RHBDD2: variants seen among roughly 807,000 people sequenced by gnomAD.
RHBDD2 encodes the protein rhomboid domain containing 2.
In RHBDD2, 13 loss-of-function variants were observed where a neutral mutation model predicts 21.7. The ratio of observed to expected loss-of-function variants is 0.60; its 90% CI spans 0.39 to 0.95. The LOEUF (loss-of-function observed/expected upper bound fraction) is 0.95, where lower values mean the gene tolerates loss of function less well. Ranked by LOEUF, RHBDD2 falls within the 40% of genes least tolerant of loss-of-function variation. The pLI, the probability that RHBDD2 is intolerant of heterozygous loss-of-function variation, is 0.00. For synonymous variants in RHBDD2, 225 were observed against 220.0 expected (o/e 1.02, Z -0.20); for missense variants, 473 against 478.9 (o/e 0.99, Z 0.11).
At chr7:75,886,580 T>C (rs897725224) in intron 3 of RHBDD2, among the ~76,000 whole-genome samples, 6 of 152,034 alleles carry the variant, frequency 3.9e-5, no homozygotes, top group Non-Finnish European at 1.5e-5. Flanking sequence ...TTTGGGAGGC[T>C]GATGCGGGTG....
Position 75,883,738 on chromosome 7 carries a change from A to G in RHBDD2, c.627A>G (p.Arg209=). The G allele has an allele frequency of 3.1e-6, 5 of 1,613,764 alleles. No homozygotes were observed. Among genetic ancestry groups the G allele is most frequent in the Non-Finnish European group, 4.2e-6 (5 of 1,179,878 alleles). The part of the protein sequence containing the change: ...TYCYSIDLSE[R]VALKLDQTFP... Reference sequence around the variant, plus strand: ...GCTATTCCATCGACCTCTCAGAGCGAGTGGCACTGAAGCTCGATCAGACCT... The same window carrying G: ...GCTATTCCATCGACCTCTCAGAGCGGGTGGCACTGAAGCTCGATCAGACCT... The change falls in exon 3 of 4, where the codon CGA becomes CGG. Residue 209 remains arginine, a synonymous_variant. Transcript: ENST00000006777.
chr7:75,881,499 G>T, intron 1 of RHBDD2: 1 of 1,308,662 alleles, frequency 7.6e-7, no homozygotes, highest in Non-Finnish European at 9.9e-7. Context: ...AGGTCAGTAT[G>T]AAAACCTGAA....
chr7:75,880,894 T>G (rs2115986466), intron 1 of RHBDD2, among the ~76,000 whole-genome samples: 1 of 152,022 alleles, frequency 6.6e-6, no homozygotes, highest in South Asian at 2.1e-4. Flanking sequence ...CCTGACTAAT[T>G]TTTAAATTTT....
chr7:75,885,940 C>A (rs1440284985), intron 3 of RHBDD2, among the ~76,000 whole-genome samples: 3 of 152,116 alleles, frequency 2.0e-5, no homozygotes, highest in Non-Finnish European at 2.9e-5. Context: ...GATCTCAGCT[C>A]ACTGCAACCT....
intron 3 of RHBDD2, among the ~76,000 whole-genome samples, chr7:75,887,413 G>A (rs1805746348): frequency 6.6e-6 from 1 of 151,646 alleles, no homozygotes; most frequent in African/African-American, 2.4e-5. Context: ...TGCCTCCCAG[G>A]TTCAAGCGAT....
chr7:75,881,793 C>T (rs564955340), intron 1 of RHBDD2, 36 bp from the exon 2 acceptor site: 2 of 1,553,732 alleles, frequency 1.3e-6, no homozygotes, highest in African/African-American at 1.4e-5. Flanking sequence ...CTGGGAGCAA[C>T]CCGCCGCCAG....
chr7:75,880,663 GTCTC>G (rs1255909864), intron 1 of RHBDD2, among the ~76,000 whole-genome samples: 2 of 151,946 alleles, frequency 1.3e-5, no homozygotes, highest in Non-Finnish European at 2.9e-5. Flanking sequence ...CAGTTCTTTG[GTCTC>G]TCTCCTTGAG....
rs560638219 is a variant in RHBDD2 at position 75,882,345 on chromosome 7, G to A, written c.586+109G>A. The A allele has an allele frequency of 1.2e-4, 128 of 1,050,716 alleles. 1 individual carries two copies. Among genetic ancestry groups the A allele is most frequent in the African/African-American group, 2.1e-4 (13 of 62,104 alleles). 65.1% of individuals were successfully genotyped at this position (1,050,716 alleles called of 1,614,324 possible). On this transcript the variant is annotated intron_variant, in intron 2 of 3. Coordinates refer to ENST00000006777, the MANE Select transcript of RHBDD2 (RefSeq NM_001040456.3). ...AATTGGGCTTACTTTGTATTTTTTC[G>A]AAACAGAGTCTCTGTCACCCAGGCT...
At position 75,883,637 on chromosome 7, in the gene RHBDD2, G is replaced by A. The variant is rs925048274; in HGVS notation, c.587-61G>A. On this transcript the variant is annotated intron_variant, in intron 2 of 3. Coordinates refer to ENST00000006777, the MANE Select transcript of RHBDD2 (RefSeq NM_001040456.3). ...GTGAGTGGGAACCTGTGTTCTCCCC[G>A]GGGAGTGTTCGGCCCTCCTCCCTTT... The A allele has an allele frequency of 4.6e-5, 67 of 1,471,372 alleles. No individual in the cohort carries two copies. Among genetic ancestry groups the A allele is most frequent in the Middle Eastern group, 1.8e-4 (1 of 5,634 alleles). The allele number at this position is 1,471,372 out of a possible 1,614,324, so 91.1% of individuals were successfully genotyped here. A position where few individuals can be genotyped will look rare whatever the true frequency, so the allele number is the denominator to read the frequency against.
chr7:75,885,981 C>T (rs1407726725), intron 3 of RHBDD2, among the ~76,000 whole-genome samples: 1 of 152,174 alleles, frequency 6.6e-6, no homozygotes. Context: ...ATTCTCCTGT[C>T]TCAGCCTCCC....
rs202026868 is a variant in RHBDD2 at position 75,888,000 on chromosome 7, C to T, written c.746C>T (p.Pro249Leu). The T allele has an allele frequency of 1.3e-4, 208 of 1,611,352 alleles. 2 individuals are homozygous for T. In the Middle Eastern group the frequency reaches 3.5e-3, roughly 27 times the overall value. Residue 249 changes from proline (P) to leucine (L), a missense_variant, in exon 4 of 4, where the codon CCG (proline) becomes CTG (leucine). Coordinates refer to ENST00000006777, the MANE Select transcript of RHBDD2 (RefSeq NM_001040456.3). ...RRAAQSRKLNPVPGSYPTQSC... is the reference protein window; with the variant it reads ...RRAAQSRKLNLVPGSYPTQSC... ...CTCTTGTTCCATTCCAGACTGAACC[C>T]GGTGCCTGGCTCCTACCCCACACAG...
At chr7:75,887,936 G>T in intron 3 of RHBDD2, 56 bp from the exon 4 acceptor site, 1 of 1,469,330 alleles carries the variant, frequency 6.8e-7, no homozygotes, top group Non-Finnish European at 9.4e-7. Flanking sequence ...AGCACAAGAT[G>T]CCATGACCTT....
In RHBDD2 at chr7:75,888,880, G is replaced by A. The variant is rs563465870; in HGVS notation, c.*531G>A. 88 of 160,206 alleles carry A rather than the reference G, an allele frequency of 5.5e-4. No homozygotes were observed. The highest frequency in any genetic ancestry group is 3.9e-3 in the South Asian group (21 of 5,440). The allele number at this position is 160,206 out of a possible 1,614,324, so 9.9% of individuals were successfully genotyped here. A position where few individuals can be genotyped will look rare whatever the true frequency, so the allele number is the denominator to read the frequency against. ...CCATGAACTGCAGCAGCATGCTGAG[G>A]TGTCCATGTTGTCTGCCTTTGTATA... On this transcript the variant is annotated 3_prime_UTR_variant, in exon 4 of 4. Coordinates refer to ENST00000006777, the MANE Select transcript of RHBDD2 (RefSeq NM_001040456.3).
chr7:75,879,343 G>A (rs1805178822), intron 1 of RHBDD2, 83 bp downstream of exon 1: 4 of 1,256,132 alleles, frequency 3.2e-6, no homozygotes, highest in South Asian at 1.7e-5. Flanking sequence ...TCCGGGACTC[G>A]CCCCTTCAGG....
chr7:75,885,883 T>C (rs1475758524), intron 3 of RHBDD2, among the ~76,000 whole-genome samples: 1 of 152,162 alleles, frequency 6.6e-6, no homozygotes, highest in Non-Finnish European at 1.5e-5. Context: ...TTCTTTTTTT[T>C]TGAAATGGAG....
At chr7:75,879,582 A>G (rs368544036) in intron 1 of RHBDD2, among the ~76,000 whole-genome samples, 1 of 152,138 alleles carries the variant, frequency 6.6e-6, no homozygotes, top group African/African-American at 2.4e-5. Context: ...TCGCTCTCCA[A>G]GGGTAAAGAT....
intron 3 of RHBDD2, among the ~76,000 whole-genome samples, chr7:75,886,482 G>A (rs1448409025): frequency 6.6e-6 from 1 of 152,066 alleles, no homozygotes; most frequent in Non-Finnish European, 1.5e-5. Flanking sequence ...TCACATACAA[G>A]AGCTCACTCT....
chr7:75,881,798 C>T lies in RHBDD2; in HGVS notation c.179-31C>T, dbSNP rs201342904. 9 of 1,558,666 alleles carry T rather than the reference C, an allele frequency of 5.8e-6. No individual in the cohort carries two copies. In the East Asian group the frequency reaches 6.8e-5, roughly 12 times the overall value. On this transcript the variant is annotated intron_variant, in intron 1 of 3. Coordinates refer to ENST00000006777, the MANE Select transcript of RHBDD2 (RefSeq NM_001040456.3). ...GGCTTCCCTCCTGGGAGCAACCCGC[C>T]GCCAGGCCTCTAACCCGACTCCCTC...
At position 75,883,833 on chromosome 7, in the gene RHBDD2, C is replaced by A; in HGVS notation, c.722C>A (p.Ala241Glu). The A allele has an allele frequency of 6.2e-7, 1 of 1,612,534 alleles. No homozygotes were observed. Among genetic ancestry groups the A allele is most frequent in the South Asian group, 1.1e-5 (1 of 90,838 alleles). ...YVSGSSAERRAAQSRKLNPVP... is the reference protein window; with the variant it reads ...YVSGSSAERREAQSRKLNPVP... The stretch of plus-strand genomic sequence containing the variant: ...TCAGGGTCTTCAGCCGAGAGGAGGG[C>A]AGCCCAGAGCCGGAAGTAAGTGACA... Residue 241 changes from alanine (A) to glutamate (E), a missense_variant, in exon 3 of 4, where the codon GCA becomes GAA. Physicochemically the swap from Ala to Glu is moderately radical, Grantham distance 107. Transcript: ENST00000006777.
Sources: allele counts gnomAD v4.1 joint callset (sites outside exome capture counted in the v4.1 genomes callset), GRCh38; gene constraint gnomAD v4.1.1; transcripts MANE v1.5; gene names NCBI Gene and HGNC (gene_info 2026-07-23, HGNC 2026-07-21).